Variants in MYH7B observed in about 807,000 individuals in gnomAD.
MYH7B encodes the protein myosin heavy chain 7B, also known as myosin-7B.
A neutral mutation model predicts 234.5 loss-of-function variants in MYH7B; 205 were observed. The ratio of observed to expected loss-of-function variants is 0.87; its 90% CI spans 0.78 to 0.98. MYH7B has a LOEUF of 0.98. Ranked by LOEUF, MYH7B falls within the 50% of genes least tolerant of loss-of-function variation. The pLI, the probability that MYH7B is intolerant of heterozygous loss-of-function variation, is 0.00. For synonymous variants in MYH7B, 1,193 were observed against 1,105.0 expected (o/e 1.08, Z -1.58); for missense variants, 2,652 against 2,633.4 (o/e 1.01, Z -0.15).
intron 2 of MYH7B, among the ~76,000 whole-genome samples, chr20:34,962,880 C>A (rs28842248): frequency 1.3e-5 from 2 of 152,182 alleles, no homozygotes; most frequent in Non-Finnish European, 2.9e-5. Flanking sequence ...GGCAGATCAC[C>A]TGAGGTCAGG....
intron 9 of MYH7B, chr20:34,981,304 C>T (rs2081937684): frequency 2.1e-6 from 1 of 468,712 alleles, no homozygotes. Flanking sequence ...CCACCAGCCC[C>T]ACACCTCCTC....
Position 34,999,710 on chromosome 20 carries a change from G to T in MYH7B, c.4665+15G>T, listed in dbSNP as rs200976304. The T allele has an allele frequency of 7.4e-6, 12 of 1,611,998 alleles. No homozygotes were observed. The Admixed American group carries it at 1.2e-4, about 16-fold the overall frequency. ...AGGAGGCAGAGGTCAGGGGCTGGCT[G>T]CAGGGGTGGGTGGACACTGACCTGC... is the stretch of plus-strand genomic sequence containing the variant. On this transcript the variant is annotated intron_variant, in intron 37 of 44. Coordinates refer to ENST00000262873, the Ensembl canonical transcript of MYH7B.
chr20:35,001,714 TC>T, intron 43 of MYH7B, 188 bp downstream of exon 43: 1 of 819,920 alleles, frequency 1.2e-6, no homozygotes, highest in Middle Eastern at 3.8e-4. Flanking sequence ...CCATGTGCTT[TC>T]CCCTGGCCAA....
chr20:34,981,322 G>C, intron 9 of MYH7B: 1 of 442,890 alleles, frequency 2.3e-6, no homozygotes, highest in Admixed American at 4.3e-5. Context: ...CTCTCCCCGG[G>C]GCCTGGAATC....
chr20:34,957,243 G>A (rs1600399126), intron 1 of MYH7B, among the ~76,000 whole-genome samples: 1 of 152,186 alleles, frequency 6.6e-6, no homozygotes, highest in South Asian at 2.1e-4. Flanking sequence ...AGGGCTTTAA[G>A]CAGGGGAAGG....
intron 11 of MYH7B, 21 bp from the exon 12 acceptor site, chr20:34,984,833 C>G (rs780444894): frequency 6.2e-7 from 1 of 1,606,872 alleles, no homozygotes; most frequent in South Asian, 1.1e-5. Context: ...CTGACAGACC[C>G]CCTCACCCCC....
intron 9 of MYH7B, chr20:34,981,368 CAG>C (rs2081938693): frequency 2.8e-6 from 1 of 352,288 alleles, no homozygotes; most frequent in South Asian, 4.5e-5. Context: ...AATTCTGGCT[CAG>C]GGGCAGCGGA....
At chr20:34,975,231 A>G (rs2081836916) in intron 2 of MYH7B, among the ~76,000 whole-genome samples, 169 bp from the exon 3 acceptor site, 2 of 152,110 alleles carry the variant, frequency 1.3e-5, no homozygotes, top group African/African-American at 4.8e-5. Context: ...GTTGCTTTTG[A>G]GACTGGGTCT....
intron 31 of MYH7B, 30 bp from the exon 32 acceptor site, chr20:34,997,221 G>T (rs180828538): frequency 3.9e-6 from 6 of 1,554,942 alleles, no homozygotes; most frequent in Non-Finnish European, 4.3e-6. Flanking sequence ...GGCCCACAGA[G>T]GTGACAGCTG....
intron 8 of MYH7B, 128 bp downstream of exon 8, chr20:34,980,862 C>T (rs1600423468): frequency 1.3e-6 from 2 of 1,484,960 alleles, no homozygotes; most frequent in Non-Finnish European, 1.8e-6. Flanking sequence ...GTCGCCCAGC[C>T]GTTCTGTCCC....
chr20:34,985,537 G>A (rs954395287), intron 13 of MYH7B, among the ~76,000 whole-genome samples: 3 of 151,532 alleles, frequency 2.0e-5, no homozygotes, highest in African/African-American at 2.4e-5. Flanking sequence ...ACAGCTACAC[G>A]TAGAGTGCCC....
chr20:34,976,431 T>C (rs2081855081), intron 3 of MYH7B, among the ~76,000 whole-genome samples: 2 of 152,224 alleles, frequency 1.3e-5, no homozygotes, highest in South Asian at 2.1e-4. Context: ...GGTTCTCAGA[T>C]CCTTTCATTC....
At chr20:34,994,889 G>A (rs1226958378) in intron 27 of MYH7B, among the ~76,000 whole-genome samples, 1 of 152,260 alleles carries the variant, frequency 6.6e-6, no homozygotes, top group Non-Finnish European at 1.5e-5. Flanking sequence ...AGATGGCCCT[G>A]TGGTCACAAA....
intron 24 of MYH7B, among the ~76,000 whole-genome samples, chr20:34,991,749 T>C (rs2082154945): frequency 6.6e-6 from 1 of 152,096 alleles, no homozygotes; most frequent in Admixed American, 6.6e-5. Context: ...CATCGTTCCT[T>C]CTCCCTCCAG....
At chr20:34,972,677 T>C (rs2081803577) in intron 2 of MYH7B, among the ~76,000 whole-genome samples, 1 of 152,174 alleles carries the variant, frequency 6.6e-6, no homozygotes, top group Non-Finnish European at 1.5e-5. Flanking sequence ...TTGCCCACGC[T>C]GGAGTGCAGT....
rs376336668 is a variant in MYH7B, at chr20:35,002,268, C to T, written c.*80C>T. ...AGGCCACCTGCCCCGATCCTGCCAT[C>T]TCTGCATCGCCCCCTGCTGCCTTCA... On this transcript the variant is annotated 3_prime_UTR_variant, in exon 45 of 45. Coordinates refer to ENST00000262873, the Ensembl canonical transcript of MYH7B. 1.1e-3 allele frequency: 1,533 copies of T among 1,454,144 alleles called. 2 individuals carry two copies. The highest frequency in any genetic ancestry group is 1.4e-3 in the Non-Finnish European group (1,483 of 1,093,402). The allele number at this position is 1,454,144 out of a possible 1,614,324, so 90.1% of individuals were successfully genotyped here.
At chr20:35,000,233 C>G in intron 38 of MYH7B, 60 bp from the exon 39 acceptor site, 1 of 1,500,828 alleles carries the variant, frequency 6.7e-7, no homozygotes, top group East Asian at 2.3e-5. Flanking sequence ...GGTCCTTGGG[C>G]ATTTGTAAGG....
At chr20:34,975,234 C>T (rs1486757328) in intron 2 of MYH7B, among the ~76,000 whole-genome samples, 166 bp from the exon 3 acceptor site, 3 of 152,166 alleles carry the variant, frequency 2.0e-5, no homozygotes, top group Admixed American at 2.0e-4. Flanking sequence ...GCTTTTGAGA[C>T]TGGGTCTGTT....
intron 2 of MYH7B, among the ~76,000 whole-genome samples, chr20:34,973,618 G>A (rs527935515): frequency 2.6e-5 from 4 of 152,296 alleles, no homozygotes; most frequent in East Asian, 3.9e-4. Context: ...AGCCTCTCCC[G>A]CTGCTGATGG....
Sources: gnomAD v4.1 joint callset for allele counts (sites outside exome capture counted in the v4.1 genomes callset) on GRCh38, gnomAD v4.1.1 for gene constraint, MANE v1.5 for transcripts, NCBI Gene and HGNC (gene_info 2026-07-23, HGNC 2026-07-21) for gene names.